VPS37B: variants seen among roughly 807,000 people sequenced by gnomAD.
VPS37B encodes the protein VPS37B subunit of ESCRT-I.
VPS37B carries 11 observed loss-of-function variants against 21.2 expected under a neutral mutation model. That is an observed-to-expected ratio of 0.52 (90% CI 0.33 to 0.86). The LOEUF (loss-of-function observed/expected upper bound fraction) is 0.86, where lower values mean the gene tolerates loss of function less well. Among genes scored for constraint, VPS37B ranks in the 40% least tolerant of loss-of-function variants. The pLI, the probability that VPS37B is intolerant of heterozygous loss-of-function variation, is 0.03. For missense variants in VPS37B, 389 were observed against 374.8 expected, an observed-to-expected ratio of 1.04 and a Z score of -0.31; for synonymous variants, 175 against 159.6, an observed-to-expected ratio of 1.10 and a Z score of -0.73.
Position 122,868,453 on chromosome 12 carries a change from G to C in VPS37B, c.366+27C>G. On this transcript the variant is annotated intron_variant, in intron 3 of 3. Coordinates refer to ENST00000267202, the MANE Select transcript of VPS37B (RefSeq NM_024667.3). The surrounding 1 kb of genome is among the most constrained non-coding windows in gnomAD (Gnocchi z 5.5). ...CACGGACTGCCCAAAGCGCCCCAAG[G>C]ATTCCACCAAGGCTGGTGGGCTTTA... The C allele has an allele frequency of 4.4e-6, 7 of 1,607,290 alleles. No homozygotes were observed. The highest frequency in any genetic ancestry group is 5.9e-6 in the Non-Finnish European group (7 of 1,176,788).
At chr12:122,876,302 GT>G (rs1354864832) in intron 1 of VPS37B, 2 of 152,122 alleles carry the variant, frequency 1.3e-5, no homozygotes, top group Non-Finnish European at 2.9e-5. Flanking sequence ...TAGAGAAAGG[GT>G]TTTTCTGTTT....
At chr12:122,885,652 A>AATAAAC (rs1325892180) in intron 1 of VPS37B, 1 of 150,460 alleles carries the variant, frequency 6.6e-6, no homozygotes, top group Non-Finnish European at 1.5e-5. Context: ...AATTTTCTAT[A>AATAAAC]ATAAACATGT....
Position 122,867,382 on chromosome 12 carries a change from C to T in VPS37B, c.592G>A (p.Gly198Arg). The T allele has an allele frequency of 1.3e-6, 2 of 1,598,914 alleles. No individual in the cohort carries two copies. Among genetic ancestry groups the T allele is most frequent in the Non-Finnish European group, 1.7e-6 (2 of 1,176,656 alleles). ...PLPYPAPEAS[G>R]PPAVAPRRIP... The stretch of plus-strand genomic sequence containing the variant: ...CGCCGAGGTGCAACGGCAGGAGGCC[C>T]ACTGGCCTCTGGGGCAGGGTAGGGA... Residue 198 changes from glycine (G) to arginine (R), a missense_variant, in exon 4 of 4, where the codon GGG (glycine) becomes AGG (arginine). By Grantham distance (125) the Gly-to-Arg change is moderately radical. Coordinates refer to ENST00000267202, the MANE Select transcript of VPS37B (RefSeq NM_024667.3). The surrounding 1 kb of genome is among the most constrained non-coding windows in gnomAD (Gnocchi z 5.5).
intron 1 of VPS37B, chr12:122,875,067 T>C (rs1206861940): frequency 3.3e-5 from 5 of 151,708 alleles, no homozygotes; most frequent in Non-Finnish European, 5.9e-5. Context: ...CGATAACTTT[T>C]TTTTTAAATT....
chr12:122,891,154 A>G (rs1036916982), intron 1 of VPS37B, among the ~76,000 whole-genome samples: 7 of 152,276 alleles, frequency 4.6e-5, no homozygotes, highest in Admixed American at 2.0e-4. Flanking sequence ...TCAAAGGTCA[A>G]CTACTGGTAT....
rs775766215 is a variant in VPS37B, at chr12:122,867,620, G to A, written c.367-13C>T. On this transcript the variant is annotated splice_polypyrimidine_tract_variant and intron_variant, in intron 3 of 3. Coordinates refer to ENST00000267202, the MANE Select transcript of VPS37B (RefSeq NM_024667.3). This position sits in a 1 kb window ranked among gnomAD's most constrained non-coding sequence, Gnocchi z 5.5. ...TCTCTGCCATGTTCTGAAAGAGGCAGAAACCTGGTTACAGGGACAGCCAGA... is the reference window on the plus strand; with the variant it reads ...TCTCTGCCATGTTCTGAAAGAGGCAAAAACCTGGTTACAGGGACAGCCAGA... 3 of 1,611,322 alleles carry A rather than the reference G, an allele frequency of 1.9e-6. No homozygotes were observed. Among genetic ancestry groups the A allele is most frequent in the Non-Finnish European group, 2.5e-6 (3 of 1,179,954 alleles).
chr12:122,880,261 A>T (rs555420034), intron 1 of VPS37B: 3 of 152,308 alleles, frequency 2.0e-5, no homozygotes, highest in African/African-American at 7.2e-5. Context: ...CTGGGAAACT[A>T]CTTGCATTCC....
chr12:122,869,716 T>A (rs2033984516), intron 2 of VPS37B, among the ~76,000 whole-genome samples: 1 of 152,170 alleles, frequency 6.6e-6, no homozygotes, highest in Admixed American at 6.5e-5. Context: ...TAGGTGGGAC[T>A]ATAGGCGAGC....
chr12:122,866,767 TTAAA>T lies in VPS37B; in HGVS notation c.*345_*348del. ...AAATAAGTATCATGAACCATGCTCA[TTAAA>T]TAAAGCTGCAACAGAAGGACCACGA... On this transcript the variant is annotated 3_prime_UTR_variant, in exon 4 of 4. Coordinates refer to ENST00000267202, the MANE Select transcript of VPS37B (RefSeq NM_024667.3). 1 of 236,868 alleles carries T rather than the reference TTAAA, an allele frequency of 4.2e-6. No individual in the cohort carries two copies. The highest frequency in any genetic ancestry group is 8.1e-6 in the Non-Finnish European group (1 of 123,460). 14.7% of individuals were successfully genotyped at this position (236,868 alleles called of 1,614,324 possible).
intron 1 of VPS37B, among the ~76,000 whole-genome samples, chr12:122,892,934 A>C (rs1301989252): frequency 6.6e-6 from 1 of 152,078 alleles, no homozygotes; most frequent in African/African-American, 2.4e-5. Flanking sequence ...GATGGCGCAC[A>C]CCTGTGAGCC....
intron 1 of VPS37B, chr12:122,872,895 T>C (rs114655872): frequency 0.022 from 3,887 of 178,510 alleles, 142 homozygotes; most frequent in African/African-American, 0.087. Context: ...TTTTAACAGG[T>C]GAATGGTTAA....
In VPS37B at chr12:122,866,974, A is replaced by T; in HGVS notation, c.*142T>A. 1 of 1,120,798 alleles carries T rather than the reference A, an allele frequency of 8.9e-7. No individual in the cohort carries two copies. Among genetic ancestry groups the T allele is most frequent in the Non-Finnish European group, 1.2e-6 (1 of 834,634 alleles). The allele number at this position is 1,120,798 out of a possible 1,614,324, so 69.4% of individuals were successfully genotyped here. On this transcript the variant is annotated 3_prime_UTR_variant, in exon 4 of 4. Transcript: ENST00000267202. ...CCTGGGCTCCTACTACTCACCACTG[A>T]CCTACAGTTCTAAAATCAGACAGAC...
intron 2 of VPS37B, among the ~76,000 whole-genome samples, chr12:122,869,112 T>C (rs2033969486): frequency 6.6e-6 from 1 of 152,242 alleles, no homozygotes; most frequent in Non-Finnish European, 1.5e-5. Flanking sequence ...TGCTCAGGTC[T>C]GTGAATCAGT....
chr12:122,876,810 A>C (rs1362830462), intron 1 of VPS37B: 1 of 152,082 alleles, frequency 6.6e-6, no homozygotes, highest in Non-Finnish European at 1.5e-5. Flanking sequence ...AAAGTCAGCA[A>C]GAAAGAAAAG....
intron 1 of VPS37B, chr12:122,886,523 C>T (rs566175264): frequency 1.3e-5 from 2 of 152,126 alleles, no homozygotes; most frequent in South Asian, 2.1e-4. Flanking sequence ...TCAGGAGGCT[C>T]GTTTGATGGA....
At chr12:122,894,958 A>G (rs553354093) in intron 1 of VPS37B, among the ~76,000 whole-genome samples, 47 of 152,168 alleles carry the variant, frequency 3.1e-4, no homozygotes, top group Middle Eastern at 6.8e-3. Context: ...AGTGGTACAA[A>G]GCCAGCCACA....
chr12:122,866,938 G>C lies in VPS37B; in HGVS notation c.*178C>G. 1 of 701,716 alleles carries C rather than the reference G, an allele frequency of 1.4e-6. No individual in the cohort carries two copies. The allele number at this position is 701,716 out of a possible 1,614,324, so 43.5% of individuals were successfully genotyped here. Reference sequence around the variant, plus strand: ...GTAACCCGGCACACACAACTGCCTTGATGCCCAAAGCCTGGGCTCCTACTA... The same window carrying C: ...GTAACCCGGCACACACAACTGCCTTCATGCCCAAAGCCTGGGCTCCTACTA... On this transcript the variant is annotated 3_prime_UTR_variant, in exon 4 of 4. Transcript: ENST00000267202.
rs556714442 is a variant in VPS37B, at chr12:122,868,968, C to T, written c.284-406G>A. ...CGGGCGCCCTCACGCCCACTGCACC[C>T]GCCAGATAACCCCTACGCTGGCCTC... On this transcript the variant is annotated intron_variant, in intron 2 of 3. Transcript: ENST00000267202. The surrounding 1 kb of genome is among the most constrained non-coding windows in gnomAD (Gnocchi z 5.5). 2.6e-5 allele frequency among the ~76,000 whole-genome samples: 4 copies of T among 152,308 alleles called. No homozygotes were observed. Among genetic ancestry groups the T allele is most frequent in the African/African-American group, 9.6e-5 (4 of 41,552 alleles).
chr12:122,875,557 A>T (rs575437557), intron 1 of VPS37B: 1 of 152,284 alleles, frequency 6.6e-6, no homozygotes, highest in East Asian at 1.9e-4. Context: ...CAATCAATGT[A>T]GAAACTCTTT....
Sources: allele counts gnomAD v4.1 joint callset (sites outside exome capture counted in the v4.1 genomes callset), GRCh38; gene constraint gnomAD v4.1.1; non-coding constraint Gnocchi (gnomAD v3.1); transcripts MANE v1.5; gene names NCBI Gene and HGNC (gene_info 2026-07-23, HGNC 2026-07-21).